FER1L6: variants seen among roughly 807,000 people sequenced by gnomAD.
FER1L6 encodes the protein fer-1-like protein 6.
A neutral mutation model predicts 219.2 loss-of-function variants in FER1L6; 177 were observed. The ratio of observed to expected loss-of-function variants is 0.81; its 90% CI spans 0.71 to 0.91. The LOEUF (loss-of-function observed/expected upper bound fraction) is 0.91. FER1L6 is among the 40% of genes least tolerant of loss of function. The pLI is 0.00. For synonymous variants in FER1L6, 768 were observed against 824.3 expected (o/e 0.93, Z 1.17); for missense variants, 2,153 against 2,259.9 (o/e 0.95, Z 0.96).
intron 39 of FER1L6, among the ~76,000 whole-genome samples, chr8:124,117,763 C>A (rs759971469): frequency 6.6e-6 from 1 of 152,148 alleles, no homozygotes; most frequent in Non-Finnish European, 1.5e-5. Flanking sequence ...CTGCCAGCAA[C>A]CAAACCTACT....
At chr8:124,052,076 G>A (rs1174624877) in intron 22 of FER1L6, among the ~76,000 whole-genome samples, 4 of 152,142 alleles carry the variant, frequency 2.6e-5, no homozygotes, top group African/African-American at 9.7e-5. Flanking sequence ...AAAACCAAAT[G>A]GGATTCTAAT....
At chr8:123,949,089 T>C (rs1814633895) in intron 1 of FER1L6, among the ~76,000 whole-genome samples, 1 of 152,158 alleles carries the variant, frequency 6.6e-6, no homozygotes, top group Admixed American at 6.5e-5. Flanking sequence ...TCATTGCTCA[T>C]CTCAGGAAAG....
chr8:124,075,216 T>G (rs1821227712), intron 31 of FER1L6, among the ~76,000 whole-genome samples: 1 of 152,254 alleles, frequency 6.6e-6, no homozygotes, highest in Non-Finnish European at 1.5e-5. Context: ...AACATTTAGC[T>G]TAAAACACAA....
intron 33 of FER1L6, among the ~76,000 whole-genome samples, chr8:124,087,279 G>C (rs1821824158): frequency 6.6e-6 from 1 of 151,330 alleles, no homozygotes; most frequent in Non-Finnish European, 1.5e-5. Flanking sequence ...TCAATTCTTT[G>C]TTTGTTTCCT....
chr8:123,865,951 C>T (rs1323267429), intron 1 of FER1L6, among the ~76,000 whole-genome samples: 1 of 151,364 alleles, frequency 6.6e-6, no homozygotes, highest in Non-Finnish European at 1.5e-5. Context: ...CTGCGTCGCT[C>T]ACGCTGGGAG....
intron 39 of FER1L6, among the ~76,000 whole-genome samples, chr8:124,106,457 G>A (rs1822781396): frequency 6.7e-6 from 1 of 150,358 alleles, no homozygotes; most frequent in African/African-American, 2.4e-5. Flanking sequence ...GTGGATTGTT[G>A]AGTGAATGAG....
intron 1 of FER1L6, among the ~76,000 whole-genome samples, chr8:123,922,632 C>G (rs1165948158): frequency 6.6e-6 from 1 of 152,090 alleles, no homozygotes; most frequent in African/African-American, 2.4e-5. Flanking sequence ...CGTGGGCTCC[C>G]GTAGGCACCG....
In FER1L6 at chr8:124,017,668, A is replaced by G. The variant is rs1484745504; in HGVS notation, c.1963A>G (p.Asn655Asp). 6.2e-7 allele frequency: 1 copy of G among 1,613,904 alleles called. No homozygotes were observed. Among genetic ancestry groups the G allele is most frequent in the Non-Finnish European group, 8.5e-7 (1 of 1,179,820 alleles). Residue 655 changes from asparagine (N) to aspartate (D), a missense_variant, in exon 16 of 41, where the codon AAC (asparagine) becomes GAC (aspartate). Coordinates refer to ENST00000522917, the MANE Select transcript of FER1L6 (RefSeq NM_001039112.2). ...SEAEKKPKML[N>D]QTTLDKKRLT... is the part of the protein sequence containing the mutation. The stretch of plus-strand genomic sequence containing the variant: ...AGCAGAAAAAAAGCCCAAGATGTTG[A>G]ACCAAACCACTTTAGATAAGAAGCG...
chr8:123,973,824 A>G (rs766527913), intron 7 of FER1L6, among the ~76,000 whole-genome samples: 9 of 152,180 alleles, frequency 5.9e-5, no homozygotes, highest in Non-Finnish European at 1.3e-4. Context: ...CTGGGTTCGA[A>G]TCCCACTCTA....
At position 124,071,835 on chromosome 8, in the gene FER1L6, G is replaced by A. The variant is rs534890980; in HGVS notation, c.4092+204G>A. Among the ~76,000 whole-genome samples, 79 of 152,262 alleles carry A rather than the reference G, an allele frequency of 5.2e-4. 1 individual carries two copies. Among genetic ancestry groups the A allele is most frequent in the African/African-American group, 1.9e-3 (77 of 41,546 alleles). ...GTTTGTGGATGGCTGCCTTCTTGCT[G>A]TGTCCTCACACAGCCTTTCCTCTGT... On this transcript the variant is annotated intron_variant, in intron 31 of 40. Transcript: ENST00000522917.
intron 12 of FER1L6, among the ~76,000 whole-genome samples, chr8:123,986,705 A>C (rs1816602529): frequency 6.6e-6 from 1 of 152,032 alleles, no homozygotes; most frequent in Non-Finnish European, 1.5e-5. Flanking sequence ...TTCACTCTCT[A>C]TCTCAATGAG....
At chr8:123,935,109 G>A (rs1005467257) in intron 1 of FER1L6, among the ~76,000 whole-genome samples, 18 of 152,038 alleles carry the variant, frequency 1.2e-4, no homozygotes, top group African/African-American at 4.4e-4. Flanking sequence ...ATCACTATAA[G>A]GATTGTAAAA....
At chr8:123,981,705 G>A (rs1219749264) in intron 11 of FER1L6, among the ~76,000 whole-genome samples, 1 of 152,070 alleles carries the variant, frequency 6.6e-6, no homozygotes. Flanking sequence ...ACCGTGTAGG[G>A]GAGTGGTTGG....
At chr8:123,878,095 G>A (rs1469914451) in intron 1 of FER1L6, among the ~76,000 whole-genome samples, 3 of 152,150 alleles carry the variant, frequency 2.0e-5, no homozygotes, top group Non-Finnish European at 4.4e-5. Flanking sequence ...CTCCCAGAGA[G>A]GGCAAGTCTT....
At chr8:123,914,364 G>A (rs529024146) in intron 1 of FER1L6, among the ~76,000 whole-genome samples, 6 of 152,242 alleles carry the variant, frequency 3.9e-5, no homozygotes, top group East Asian at 3.9e-4. Flanking sequence ...TGTCATTGAC[G>A]GGGAAAAAGA....
intron 1 of FER1L6, among the ~76,000 whole-genome samples, chr8:123,934,434 AT>A (rs1157465869): frequency 6.6e-6 from 1 of 152,078 alleles, no homozygotes; most frequent in East Asian, 1.9e-4. Context: ...TTAATTTGAC[AT>A]TTTTAGAGAG....
chr8:124,088,378 G>C (rs1821870508), intron 33 of FER1L6, among the ~76,000 whole-genome samples: 1 of 152,136 alleles, frequency 6.6e-6, no homozygotes, highest in South Asian at 2.1e-4. Context: ...CCTGGCTTGT[G>C]TCTCTCCTTT....
intron 21 of FER1L6, among the ~76,000 whole-genome samples, chr8:124,049,185 C>A (rs980828439): frequency 6.6e-6 from 1 of 151,994 alleles, no homozygotes; most frequent in South Asian, 2.1e-4. Flanking sequence ...GTAGCTGGGA[C>A]TACAGGTGTG....
chr8:123,894,596 G>A (rs1225707828), intron 1 of FER1L6, among the ~76,000 whole-genome samples: 1 of 152,150 alleles, frequency 6.6e-6, no homozygotes, highest in African/African-American at 2.4e-5. Context: ...CACTGAGAGG[G>A]CCTAGGAACA....
Sources: gnomAD v4.1 joint callset for allele counts (sites outside exome capture counted in the v4.1 genomes callset) on GRCh38, gnomAD v4.1.1 for gene constraint, MANE v1.5 for transcripts, NCBI Gene and HGNC (gene_info 2026-07-23, HGNC 2026-07-21) for gene names.